The following MARCHF1 variants were observed in gnomAD, a reference collection of about 807,000 sequenced individuals.
The protein encoded by MARCHF1 is E3 ubiquitin-protein ligase MARCHF1.
A neutral mutation model predicts 54.2 loss-of-function variants in MARCHF1; 40 were observed. The observed-to-expected ratio is 0.74, with a 90% CI of 0.57 to 0.96. The LOEUF (loss-of-function observed/expected upper bound fraction) is 0.96. MARCHF1 is among the 40% of genes least tolerant of loss of function. MARCHF1 has a pLI of 0.00. For synonymous variants in MARCHF1, 236 were observed against 236.3 expected (o/e 1.00, Z 0.01); for missense variants, 586 against 656.5 (o/e 0.89, Z 1.17).
intron 1 of MARCHF1, among the ~76,000 whole-genome samples, chr4:164,305,606 A>G (rs1479694623): frequency 6.6e-6 from 1 of 152,178 alleles, no homozygotes. Flanking sequence ...TTAAGAAAAA[A>G]TAAAATATTT....
intron 4 of MARCHF1, among the ~76,000 whole-genome samples, chr4:163,766,438 A>G (rs1049619342): frequency 1.3e-5 from 2 of 152,198 alleles, no homozygotes; most frequent in African/African-American, 4.8e-5. Flanking sequence ...TATTAAAAAT[A>G]AAATATAAGT....
At chr4:164,135,938 A>AT (rs1391509136) in intron 1 of MARCHF1, among the ~76,000 whole-genome samples, 1 of 152,148 alleles carries the variant, frequency 6.6e-6, no homozygotes, top group Admixed American at 6.5e-5. Flanking sequence ...AAAGGTAAAT[A>AT]TTTTTTATAC....
intron 2 of MARCHF1, among the ~76,000 whole-genome samples, chr4:164,035,756 G>A (rs1423353029): frequency 1.3e-5 from 2 of 150,926 alleles, no homozygotes; most frequent in Admixed American, 1.3e-4. Flanking sequence ...ACTTTACATA[G>A]ATTAAAAAAA....
At chr4:163,756,583 GA>G (rs1413062590) in intron 4 of MARCHF1, among the ~76,000 whole-genome samples, 1 of 127,156 alleles carries the variant, frequency 7.9e-6, no homozygotes, top group African/African-American at 3.0e-5. Context: ...AGTGAGCCGA[GA>G]TAGCGCCACT....
At chr4:163,716,353 C>T in intron 4 of MARCHF1, among the ~76,000 whole-genome samples, 1 of 152,092 alleles carries the variant, frequency 6.6e-6, no homozygotes, top group African/African-American at 2.4e-5. Flanking sequence ...TTGCAAATTG[C>T]CTCCTGAGTA....
At chr4:164,293,344 G>A (rs958991336) in intron 1 of MARCHF1, among the ~76,000 whole-genome samples, 4 of 152,076 alleles carry the variant, frequency 2.6e-5, no homozygotes, top group Admixed American at 2.0e-4. Flanking sequence ...GACCATCTCC[G>A]TATAAGGCAA....
intron 1 of MARCHF1, chr4:164,189,534 CATAAACCCAG>C: frequency 2.4e-6 from 2 of 844,584 alleles, no homozygotes; most frequent in Non-Finnish European, 4.0e-6. Context: ...CCTCCCATGG[CATAAACCCAG>C]ATGAAGCTGT....
intron 3 of MARCHF1, among the ~76,000 whole-genome samples, chr4:163,897,795 G>A (rs981831096): frequency 2.0e-5 from 3 of 151,952 alleles, no homozygotes; most frequent in Non-Finnish European, 2.9e-5. Flanking sequence ...GGTGGCTCAC[G>A]CCTATAATCC....
intron 2 of MARCHF1, among the ~76,000 whole-genome samples, chr4:163,989,555 T>G (rs1560850762): frequency 6.6e-6 from 1 of 152,176 alleles, no homozygotes; most frequent in Non-Finnish European, 1.5e-5. Context: ...GAAACAGACT[T>G]TACTATTACT....
At chr4:164,312,319 C>T (rs199991077) in intron 1 of MARCHF1, among the ~76,000 whole-genome samples, 47 of 103,416 alleles carry the variant, frequency 4.5e-4, no homozygotes, top group South Asian at 1.3e-3. Context: ...TTTTCTTTTT[C>T]TTTTTTTTTT....
chr4:164,044,772 C>T (rs1030708540), intron 2 of MARCHF1, among the ~76,000 whole-genome samples: 15 of 151,884 alleles, frequency 9.9e-5, no homozygotes, highest in Non-Finnish European at 2.2e-4. Context: ...CTAGTCTATA[C>T]ATACTATAGA....
intron 2 of MARCHF1, among the ~76,000 whole-genome samples, chr4:164,005,172 T>C (rs1022891312): frequency 6.6e-6 from 1 of 152,054 alleles, no homozygotes; most frequent in African/African-American, 2.4e-5. Flanking sequence ...AAAATTATGA[T>C]CAATTTTATG....
chr4:164,251,234 G>A (rs1238443361), intron 1 of MARCHF1, among the ~76,000 whole-genome samples: 1 of 152,038 alleles, frequency 6.6e-6, no homozygotes, highest in Non-Finnish European at 1.5e-5. Context: ...GGCATTAAAA[G>A]TCACTTTTTC....
intron 2 of MARCHF1, among the ~76,000 whole-genome samples, chr4:164,032,299 A>AT (rs1214964535): frequency 6.6e-6 from 1 of 151,928 alleles, no homozygotes; most frequent in East Asian, 1.9e-4. Context: ...GGATTCATTG[A>AT]TTTTTTTGAA....
At chr4:164,211,348 TATATATACC>T (rs1450811273) in intron 1 of MARCHF1, among the ~76,000 whole-genome samples, 4 of 117,722 alleles carry the variant, frequency 3.4e-5, no homozygotes, top group African/African-American at 7.9e-5. Flanking sequence ...TATATATATA[TATATATACC>T]ACATTGCAAC....
chr4:164,300,295 G>C (rs1192299942), intron 1 of MARCHF1, among the ~76,000 whole-genome samples: 2 of 152,070 alleles, frequency 1.3e-5, no homozygotes, highest in Admixed American at 6.6e-5. Context: ...TGGCTGACTA[G>C]AGCCGATTGG....
intron 1 of MARCHF1, among the ~76,000 whole-genome samples, chr4:164,351,141 C>G (rs995949286): frequency 2.6e-5 from 4 of 152,110 alleles, no homozygotes; most frequent in Non-Finnish European, 5.9e-5. Context: ...ATTGCTAGCA[C>G]AGCAGCCTGA....
At chr4:163,968,170 T>A (rs1752479884) in intron 3 of MARCHF1, among the ~76,000 whole-genome samples, 1 of 152,204 alleles carries the variant, frequency 6.6e-6, no homozygotes, top group African/African-American at 2.4e-5. Context: ...GGAATTTTTG[T>A]ATCCATCTCC....
chr4:163,770,806 C>T (rs976005062), intron 4 of MARCHF1, among the ~76,000 whole-genome samples: 95 of 152,114 alleles, frequency 6.2e-4, no homozygotes, highest in African/African-American at 2.1e-3. Flanking sequence ...GTTAAGAAGA[C>T]AAAAGACAGT....
Sources: allele counts gnomAD v4.1 joint callset (sites outside exome capture counted in the v4.1 genomes callset), GRCh38; gene constraint gnomAD v4.1.1; transcripts MANE v1.5; gene names NCBI Gene and HGNC (gene_info 2026-07-23, HGNC 2026-07-21).